Variants in SNTG2 observed in about 807,000 individuals in gnomAD.
SNTG2 encodes syntrophin gamma 2.
SNTG2 carries 74 observed loss-of-function variants against 70.9 expected under a neutral mutation model. The observed-to-expected ratio is 1.04, with a 90% CI of 0.86 to 1.27. The LOEUF (loss-of-function observed/expected upper bound fraction) is 1.27, where lower values mean the gene tolerates loss of function less well. Ranked by LOEUF, SNTG2 falls within the 50% of genes most tolerant of loss-of-function variation. The pLI is 0.00. For missense variants in SNTG2, 717 were observed against 690.7 expected (o/e 1.04, Z -0.43); for synonymous variants, 278 against 273.8 (o/e 1.02, Z -0.15).
intron 8 of SNTG2, among the ~76,000 whole-genome samples, chr2:1,197,700 A>G (rs1027723921): frequency 6.6e-6 from 1 of 151,400 alleles, no homozygotes; most frequent in Non-Finnish European, 1.5e-5. Context: ...ATGCCCAGCT[A>G]ATTTTTGTAC....
intron 8 of SNTG2, among the ~76,000 whole-genome samples, chr2:1,205,001 T>G (rs1673539875): frequency 6.6e-6 from 1 of 152,196 alleles, no homozygotes; most frequent in African/African-American, 2.4e-5. Flanking sequence ...CAGTATGATC[T>G]TAACTTTTAA....
At chr2:1,109,371 A>T (rs543406666) in intron 4 of SNTG2, among the ~76,000 whole-genome samples, 32 of 152,244 alleles carry the variant, frequency 2.1e-4, no homozygotes, top group African/African-American at 7.5e-4. Context: ...AGAAAGGATG[A>T]TGAAAACCAC....
intron 1 of SNTG2, among the ~76,000 whole-genome samples, chr2:1,028,624 T>C (rs2148028215): frequency 6.6e-6 from 1 of 152,344 alleles, no homozygotes; most frequent in African/African-American, 2.4e-5. Context: ...CATGTGGATC[T>C]ATCTTTCCTT....
At chr2:1,191,184 C>T (rs1262605331) in intron 8 of SNTG2, among the ~76,000 whole-genome samples, 2 of 152,148 alleles carry the variant, frequency 1.3e-5, no homozygotes, top group Non-Finnish European at 2.9e-5. Context: ...GTAAAATTTG[C>T]AATTTCTCCC....
At chr2:1,304,948 A>G (rs1381747787) in intron 14 of SNTG2, among the ~76,000 whole-genome samples, 1 of 152,168 alleles carries the variant, frequency 6.6e-6, no homozygotes, top group Non-Finnish European at 1.5e-5. Context: ...ATTTTCATAT[A>G]AAGAGTTCTA....
chr2:1,295,149 C>T (rs573405413), intron 14 of SNTG2, among the ~76,000 whole-genome samples: 9 of 152,252 alleles, frequency 5.9e-5, no homozygotes, highest in East Asian at 1.9e-4. Context: ...CAGGGACTCT[C>T]GTGTGGCCAT....
At chr2:1,326,115 G>A (rs906308506) in intron 16 of SNTG2, among the ~76,000 whole-genome samples, 1 of 152,172 alleles carries the variant, frequency 6.6e-6, no homozygotes, top group Non-Finnish European at 1.5e-5. Flanking sequence ...TTACAGGCAT[G>A]AGCCGCTGCA....
intron 8 of SNTG2, among the ~76,000 whole-genome samples, chr2:1,174,646 C>CA (rs1437648848): frequency 1.3e-5 from 2 of 152,180 alleles, no homozygotes; most frequent in East Asian, 3.8e-4. Context: ...AGTTTATATT[C>CA]ACACAGCTCT....
At chr2:1,247,196 C>A in intron 11 of SNTG2, 131 bp from the exon 12 acceptor site, 1 of 591,166 alleles carries the variant, frequency 1.7e-6, no homozygotes, top group Admixed American at 3.0e-5. Flanking sequence ...TGGACATCTC[C>A]ACGTTTCTCC....
At chr2:1,334,653 G>A (rs1659707135) in intron 16 of SNTG2, among the ~76,000 whole-genome samples, 2 of 152,168 alleles carry the variant, frequency 1.3e-5, no homozygotes, top group African/African-American at 2.4e-5. Context: ...AACTTGGATG[G>A]AGCTGGAAGC....
chr2:1,308,411 G>C (rs1680810827), intron 14 of SNTG2, 83 bp from the exon 15 acceptor site: 1 of 1,259,936 alleles, frequency 7.9e-7, no homozygotes, highest in Non-Finnish European at 1.1e-6. Context: ...TTTGACCAAA[G>C]GGGGGTTAAT....
At chr2:1,170,988 A>G (rs1357644820) in intron 7 of SNTG2, among the ~76,000 whole-genome samples, 2 of 152,112 alleles carry the variant, frequency 1.3e-5, no homozygotes, top group African/African-American at 4.8e-5. Flanking sequence ...AGGGTAATCT[A>G]AGCAGTTTTG....
chr2:1,015,766 C>T (rs1659872925), intron 1 of SNTG2, among the ~76,000 whole-genome samples: 1 of 152,192 alleles, frequency 6.6e-6, no homozygotes, highest in Admixed American at 6.5e-5. Flanking sequence ...AGGATCAGTT[C>T]TCTAGAAGAA....
chr2:1,103,392 T>C (rs781026206), intron 4 of SNTG2: 2,125 of 203,436 alleles, frequency 0.01, 2 homozygotes, highest in South Asian at 0.03. Flanking sequence ...TTTTTTTTTA[T>C]TTTTTTTTTT....
At chr2:968,280 AT>A (rs1660633884) in intron 1 of SNTG2, among the ~76,000 whole-genome samples, 1 of 151,684 alleles carries the variant, frequency 6.6e-6, no homozygotes, top group East Asian at 1.9e-4. Context: ...GTTGTTTGCA[AT>A]ATTTCTTATG....
chr2:1,289,708 A>C (rs1459397754), intron 14 of SNTG2, among the ~76,000 whole-genome samples: 3 of 152,216 alleles, frequency 2.0e-5, no homozygotes, highest in Admixed American at 6.5e-5. Flanking sequence ...GGACATTCAC[A>C]GTGGTGTTCA....
intron 11 of SNTG2, among the ~76,000 whole-genome samples, chr2:1,245,373 C>A (rs868716391): frequency 6.6e-6 from 1 of 152,188 alleles, no homozygotes; most frequent in South Asian, 2.1e-4. Context: ...GGGCCATGTG[C>A]CTGGTCTTCC....
rs190876694 is a variant in SNTG2 at position 1,093,276 on chromosome 2, T to C, written c.211-4920T>C. ...CGGACTGTTTTGGTTGCATTAGAAA[T>C]GCCTTTTGATGACATTAGTTTGTCT... On this transcript the variant is annotated intron_variant, in intron 2 of 16. Transcript: ENST00000308624. Among the ~76,000 whole-genome samples, 357 of 152,302 alleles carry C rather than the reference T, an allele frequency of 2.3e-3. 2 individuals carry two copies. The highest frequency in any genetic ancestry group is 1.8e-3 in the Non-Finnish European group (121 of 68,034).
At chr2:1,142,098 G>A (rs1361391801) in intron 6 of SNTG2, among the ~76,000 whole-genome samples, 2 of 152,202 alleles carry the variant, frequency 1.3e-5, no homozygotes, top group African/African-American at 4.8e-5. Context: ...TCTGGGAACT[G>A]ACTCTCTCCC....
Sources: allele counts gnomAD v4.1 joint callset (sites outside exome capture counted in the v4.1 genomes callset), GRCh38; gene constraint gnomAD v4.1.1; transcripts MANE v1.5; gene names NCBI Gene and HGNC (gene_info 2026-07-23, HGNC 2026-07-21).